TMEM182: variants seen among roughly 807,000 people sequenced by gnomAD.
TMEM182 encodes the protein transmembrane protein 182.
A neutral mutation model predicts 26.8 loss-of-function variants in TMEM182; 20 were observed. The ratio of observed to expected loss-of-function variants is 0.75; its 90% CI spans 0.53 to 1.09. TMEM182 has a LOEUF of 1.09. TMEM182 is among the 50% of genes least tolerant of loss of function. The probability of loss-of-function intolerance (pLI) is 0.00; values close to 1 mark genes in which losing one functional copy is unlikely to be tolerated. For synonymous variants in TMEM182, 109 were observed against 102.2 expected (o/e 1.07, Z -0.40); for missense variants, 277 against 275.5 (o/e 1.01, Z -0.04).
intron 4 of TMEM182, among the ~76,000 whole-genome samples, chr2:102,811,058 C>CAAAAA (rs10629082): frequency 7.4e-5 from 7 of 94,440 alleles, no homozygotes; most frequent in African/African-American, 2.0e-4. Flanking sequence ...TCCTCTATAG[C>CAAAAA]AAAAAAAAAA....
intron 3 of TMEM182, among the ~76,000 whole-genome samples, chr2:102,792,015 T>C (rs945203254): frequency 1.4e-5 from 2 of 144,846 alleles, no homozygotes; most frequent in Admixed American, 7.2e-5. Flanking sequence ...TACCTAAAAA[T>C]ATATATATAA....
chr2:102,818,745 CCTATCTATCTAT>C (rs71378191), downstream of TMEM182, among the ~76,000 whole-genome samples: 8 of 136,514 alleles, frequency 5.9e-5, no homozygotes, highest in South Asian at 5.2e-4. Context: ...TCTATTTAAT[CCTATCTATCTAT>C]CTATCTATCT....
chr2:102,807,327 G>T (rs1364382516), intron 4 of TMEM182, among the ~76,000 whole-genome samples: 5 of 152,178 alleles, frequency 3.3e-5, no homozygotes, highest in African/African-American at 7.2e-5. Context: ...AAAGAATTAA[G>T]GCTGTGTCAG....
chr2:102,764,564 A>G (rs1359285404), intron 3 of TMEM182, 137 bp downstream of exon 3: 1 of 598,656 alleles, frequency 1.7e-6, no homozygotes, highest in African/African-American at 1.9e-5. Context: ...CTGTTAGATT[A>G]AAAAATGTTA....
intron 4 of TMEM182, among the ~76,000 whole-genome samples, chr2:102,806,429 G>A (rs1045091961): frequency 6.6e-6 from 1 of 152,086 alleles, no homozygotes; most frequent in Non-Finnish European, 1.5e-5. Flanking sequence ...GGGACTGTGG[G>A]GTGACTGGTG....
intron 4 of TMEM182, among the ~76,000 whole-genome samples, chr2:102,800,494 T>G (rs1178264213): frequency 2.0e-5 from 3 of 152,252 alleles, no homozygotes; most frequent in African/African-American, 7.2e-5. Flanking sequence ...TTATATCCCT[T>G]AAAACTGAGC....
At chr2:102,774,668 A>T (rs1160565399) in intron 3 of TMEM182, among the ~76,000 whole-genome samples, 4 of 151,998 alleles carry the variant, frequency 2.6e-5, no homozygotes, top group Admixed American at 2.6e-4. Context: ...TCTTTTTTTG[A>T]AGATGTGTGT....
At chr2:102,744,793 A>T (rs898049561) in intron 1 of TMEM182, among the ~76,000 whole-genome samples, 1 of 151,958 alleles carries the variant, frequency 6.6e-6, no homozygotes, top group African/African-American at 2.4e-5. Context: ...TCCGAAAGCA[A>T]TTTGTCTTTT....
chr2:102,821,574 C>T (rs1232520630), downstream of TMEM182, among the ~76,000 whole-genome samples: 1 of 152,162 alleles, frequency 6.6e-6, no homozygotes, highest in Non-Finnish European at 1.5e-5. Context: ...CTTACAGAAC[C>T]GTGAGGCAAT....
At chr2:102,790,803 T>A (rs1471765847) in intron 3 of TMEM182, among the ~76,000 whole-genome samples, 1 of 152,168 alleles carries the variant, frequency 6.6e-6, no homozygotes, top group Non-Finnish European at 1.5e-5. Context: ...TAGTTAATAC[T>A]CTTTCTATTA....
chr2:102,741,131 T>C (rs1313499703), intron 1 of TMEM182, among the ~76,000 whole-genome samples: 1 of 152,114 alleles, frequency 6.6e-6, no homozygotes, highest in African/African-American at 2.4e-5. Flanking sequence ...CTAAGAGAAT[T>C]GGGGATCACT....
downstream of TMEM182, among the ~76,000 whole-genome samples, chr2:102,822,523 TA>T (rs762753568): frequency 4.6e-5 from 7 of 152,146 alleles, no homozygotes; most frequent in East Asian, 1.2e-3. Flanking sequence ...AGTTTTGGTA[TA>T]GGGGCGGGAA....
chr2:102,821,233 T>C (rs1238814999), downstream of TMEM182, among the ~76,000 whole-genome samples: 1 of 152,218 alleles, frequency 6.6e-6, no homozygotes, highest in African/African-American at 2.4e-5. Context: ...TACTATGACC[T>C]GCACAAGTGC....
In TMEM182 at chr2:102,815,867, A is replaced by T; in HGVS notation, c.*899A>T. ...AATGTGATTTTAATATTTTTTAGAT[A>T]TAAACTTTCAACGTACTTCCATATG... is the stretch of plus-strand genomic sequence containing the variant. On this transcript the variant is annotated 3_prime_UTR_variant, in exon 5 of 5. Coordinates refer to ENST00000412401, the MANE Select transcript of TMEM182 (RefSeq NM_144632.5). The T allele has an allele frequency of 1.1e-6, 1 of 914,996 alleles. No homozygotes were observed. Among genetic ancestry groups the T allele is most frequent in the Non-Finnish European group, 1.3e-6 (1 of 766,234 alleles). 56.7% of individuals were successfully genotyped at this position (914,996 alleles called of 1,614,324 possible). A position where few individuals can be genotyped will look rare whatever the true frequency, so the allele number is the denominator to read the frequency against.
chr2:102,824,042 A>G (rs924168839), intron 3 of TMEM182, among the ~76,000 whole-genome samples: 1 of 152,216 alleles, frequency 6.6e-6, no homozygotes, highest in Non-Finnish European at 1.5e-5. Flanking sequence ...AAGATTCAGA[A>G]AGAGGGTTTT....
intron 3 of TMEM182, among the ~76,000 whole-genome samples, chr2:102,784,356 CT>C (rs11445295): frequency 1.8e-3 from 272 of 147,356 alleles, no homozygotes; most frequent in African/African-American, 4.8e-3. Flanking sequence ...GTTTTTCTAC[CT>C]TTTTTTTTTT....
At chr2:102,758,354 G>T, upstream of TMEM182, 1 of 663,176 alleles carries the variant, frequency 1.5e-6, no homozygotes, top group South Asian at 1.8e-5. Context: ...GATTACTTGG[G>T]GAAGCAACAC....
chr2:102,824,262 G>T (rs937117363), intron 3 of TMEM182, among the ~76,000 whole-genome samples: 14 of 152,152 alleles, frequency 9.2e-5, no homozygotes, highest in African/African-American at 3.4e-4. Flanking sequence ...ATCTTCACCA[G>T]TTTATAATAG....
At chr2:102,781,570 G>A (rs1431724388) in intron 3 of TMEM182, among the ~76,000 whole-genome samples, 8 of 152,176 alleles carry the variant, frequency 5.3e-5, no homozygotes, top group Admixed American at 3.3e-4. Context: ...CTGAGCCCTA[G>A]GATGCTCCAT....
Sources: allele counts gnomAD v4.1 joint callset (sites outside exome capture counted in the v4.1 genomes callset), GRCh38; gene constraint gnomAD v4.1.1; transcripts MANE v1.5; gene names NCBI Gene and HGNC (gene_info 2026-07-23, HGNC 2026-07-21).